Variants in SEL1L3 observed in about 807,000 individuals in gnomAD.
SEL1L3 encodes protein sel-1 homolog 3.
Under a neutral mutation model 142.8 loss-of-function variants are expected in SEL1L3, and 76 were observed. The observed-to-expected ratio is 0.53, with a 90% CI of 0.44 to 0.64. SEL1L3 has a LOEUF of 0.64. Ranked by LOEUF, SEL1L3 falls within the 30% of genes least tolerant of loss-of-function variation. SEL1L3 has a pLI of 0.00. For missense variants in SEL1L3, 1,262 were observed against 1,381.7 expected, an observed-to-expected ratio of 0.91 and a Z score of 1.37; for synonymous variants, 504 against 519.6, an observed-to-expected ratio of 0.97 and a Z score of 0.41.
At chr4:25,714,540 CTTTCT>C in the SEL1L3 span, among the ~76,000 whole-genome samples, 2 of 116,100 alleles carry the variant, frequency 1.7e-5, no homozygotes, top group Admixed American at 9.1e-5. Flanking sequence ...TTCTTTCTTT[CTTTCT>C]TTCTTTCTTC....
chr4:25,795,050 T>A (rs1192829516), intron 11 of SEL1L3, among the ~76,000 whole-genome samples: 1 of 74,796 alleles, frequency 1.3e-5, no homozygotes. Flanking sequence ...CACTGGGGCC[T>A]CTTGGGGGGT....
chr4:25,713,978 A>T, the SEL1L3 span, among the ~76,000 whole-genome samples: 5 of 152,316 alleles, frequency 3.3e-5, no homozygotes, highest in Middle Eastern at 3.4e-3. Flanking sequence ...GATGCAATTT[A>T]TCTATTTATT....
At chr4:25,773,996 G>A (rs4697618) in intron 17 of SEL1L3, among the ~76,000 whole-genome samples, 40,216 of 151,956 alleles carry the variant, frequency 0.26, 5,616 homozygotes, top group Middle Eastern at 0.34. Context: ...TACTGCTCAC[G>A]GCCCTTGAGC....
chr4:25,829,746 C>T (rs765150437), intron 6 of SEL1L3, among the ~76,000 whole-genome samples: 4 of 152,168 alleles, frequency 2.6e-5, no homozygotes, highest in Non-Finnish European at 5.9e-5. Flanking sequence ...AGTTACCAAC[C>T]ATTCTCAATA....
chr4:25,728,184 C>T, the SEL1L3 span, among the ~76,000 whole-genome samples: 6 of 152,230 alleles, frequency 3.9e-5, no homozygotes, highest in South Asian at 4.1e-4. Flanking sequence ...TCTGGGTTTC[C>T]GTAAGTGATG....
chr4:25,805,601 A>G (rs1437011274), intron 9 of SEL1L3, among the ~76,000 whole-genome samples: 1 of 152,158 alleles, frequency 6.6e-6, no homozygotes, highest in Non-Finnish European at 1.5e-5. Context: ...TTCCTTTTAC[A>G]TAATTCTCCC....
Position 25,802,265 on chromosome 4 carries a change from CTT to C in SEL1L3, c.1956+16_1956+17del. Reference sequence around the variant, plus strand: ...AAACAGGGCCATAACCATTCCCAACCTTTTTTCTCTCTCATACCTGATCTCCT... The same window carrying C: ...AAACAGGGCCATAACCATTCCCAACCTTTTCTCTCTCATACCTGATCTCCT... On this transcript the variant is annotated intron_variant, in intron 11 of 23. Coordinates refer to ENST00000399878, the MANE Select transcript of SEL1L3 (RefSeq NM_015187.5). 1.2e-6 allele frequency: 2 copies of C among 1,600,990 alleles called. No individual in the cohort carries two copies. The highest frequency in any genetic ancestry group is 1.7e-6 in the Non-Finnish European group (2 of 1,172,300).
the SEL1L3 span, among the ~76,000 whole-genome samples, chr4:25,741,138 CTT>C: frequency 3.5e-5 from 5 of 144,722 alleles, no homozygotes; most frequent in African/African-American, 1.3e-4. Flanking sequence ...GAGTTTTGCT[CTT>C]GTCACCCAGA....
At chr4:25,841,888 A>G (rs1010215785) in intron 2 of SEL1L3, among the ~76,000 whole-genome samples, 20 of 152,168 alleles carry the variant, frequency 1.3e-4, no homozygotes, top group Admixed American at 6.5e-5. Flanking sequence ...TGAACCTGGG[A>G]GGCGGAGGGT....
chr4:25,863,377 CCT>C (rs936459109), upstream of SEL1L3: 2 of 674,728 alleles, frequency 3.0e-6, no homozygotes, highest in East Asian at 2.9e-5. Flanking sequence ...TCCTCCCTTT[CCT>C]CTTTCTCCCT....
chr4:25,759,841 G>A (rs1294648306), intron 20 of SEL1L3: 1 of 152,218 alleles, frequency 6.6e-6, no homozygotes, highest in African/African-American at 2.4e-5. Context: ...AATAAACGAT[G>A]TGGTACTTAC....
chr4:25,800,953 T>C (rs537594915), intron 11 of SEL1L3, among the ~76,000 whole-genome samples: 2 of 152,346 alleles, frequency 1.3e-5, no homozygotes, highest in African/African-American at 4.8e-5. Flanking sequence ...ACATCAAAGC[T>C]TGAATTTTCT....
chr4:25,724,736 C>CAAAAAAAAAAA, the SEL1L3 span, among the ~76,000 whole-genome samples: 1 of 6,002 alleles, frequency 1.7e-4, no homozygotes. Context: ...GACTCCAACT[C>CAAAAAAAAAAA]AAAAAAAAAA....
At position 25,822,038 on chromosome 4, in the gene SEL1L3, T is replaced by A; in HGVS notation, c.1248A>T (p.Gly416=). ...RYVAGIEGFF[G]PLKYYRLRSL... is the part of the protein sequence containing the mutation. ...TGCGAAGGCGATAGTACTTCAGGGGTCCAAAAAACCCTTCAATGCCAGCCA... is the reference window on the plus strand; with the variant it reads ...TGCGAAGGCGATAGTACTTCAGGGGACCAAAAAACCCTTCAATGCCAGCCA... The change falls in exon 7 of 24, where the codon GGA becomes GGT. Residue 416 remains glycine (G), a synonymous_variant. Coordinates refer to ENST00000399878, the MANE Select transcript of SEL1L3 (RefSeq NM_015187.5). The A allele has an allele frequency of 6.2e-7, 1 of 1,613,636 alleles. No homozygotes were observed. The highest frequency in any genetic ancestry group is 8.5e-7 in the Non-Finnish European group (1 of 1,179,836).
chr4:25,855,169 T>C (rs1405154295), intron 1 of SEL1L3, among the ~76,000 whole-genome samples: 1 of 152,210 alleles, frequency 6.6e-6, no homozygotes, highest in African/African-American at 2.4e-5. Flanking sequence ...ACACTCTAAA[T>C]ATTGATTAAG....
At position 25,804,879 on chromosome 4, in the gene SEL1L3, A is replaced by G. The variant is rs898176390; in HGVS notation, c.1565-127T>C. On this transcript the variant is annotated intron_variant, in intron 9 of 23. Transcript: ENST00000399878. ...ATGGTCGGTCCTGCAGTGCCTCAAA[A>G]TATACCACCTTCCAGGGAGGTAAAT... 14 of 681,096 alleles carry G rather than the reference A, an allele frequency of 2.1e-5. No homozygotes were observed. The African/African-American group carries it at 2.5e-4, about 12-fold the overall frequency. 42.2% of individuals were successfully genotyped at this position (681,096 alleles called of 1,614,324 possible). A position where few individuals can be genotyped will look rare whatever the true frequency, so the allele number is the denominator to read the frequency against.
intron 11 of SEL1L3, among the ~76,000 whole-genome samples, chr4:25,798,611 T>C (rs1712952780): frequency 6.6e-6 from 1 of 152,186 alleles, no homozygotes; most frequent in Non-Finnish European, 1.5e-5. Context: ...GCGGATCACC[T>C]GAAGTCAGGA....
At chr4:25,845,021 A>T (rs1278434706) in intron 2 of SEL1L3, among the ~76,000 whole-genome samples, 1 of 141,004 alleles carries the variant, frequency 7.1e-6, no homozygotes, top group Admixed American at 7.1e-5. Flanking sequence ...AATGTAGGTT[A>T]AAATTGTATA....
rs566042911 is a variant in SEL1L3, at chr4:25,806,270, G to C, written c.1565-1518C>G. 7.1e-3 allele frequency among the ~76,000 whole-genome samples: 1,076 copies of C among 151,598 alleles called. 3 individuals carry two copies. Among genetic ancestry groups the C allele is most frequent in the Non-Finnish European group, 0.011 (765 of 67,870 alleles). On this transcript the variant is annotated intron_variant, in intron 9 of 23. Coordinates refer to ENST00000399878, the MANE Select transcript of SEL1L3 (RefSeq NM_015187.5). ...GCCAGGATGGTCTGGATTTCCTGAC[G>C]TCGTGATCCGCCCGCCTAGGCCTCC...
Sources: allele counts gnomAD v4.1 joint callset (sites outside exome capture counted in the v4.1 genomes callset), GRCh38; gene constraint gnomAD v4.1.1; transcripts MANE v1.5; gene names NCBI Gene and HGNC (gene_info 2026-07-23, HGNC 2026-07-21).